Variants in B4GALT5 observed in about 807,000 individuals in gnomAD.
B4GALT5 encodes UDP-Gal:beta-GlcNAc beta-1,4-galactosyltransferase 5.
A neutral mutation model predicts 45.0 loss-of-function variants in B4GALT5; 11 were observed. The observed-to-expected ratio is 0.24, with a 90% CI of 0.15 to 0.40. The LOEUF is 0.40. Among genes scored for constraint, B4GALT5 ranks in the 10% least tolerant of loss-of-function variants. The probability of loss-of-function intolerance (pLI) is 1.00; values close to 1 mark genes in which losing one functional copy is unlikely to be tolerated. For synonymous variants in B4GALT5, 185 were observed against 182.9 expected (o/e 1.01, Z -0.09); for missense variants, 337 against 500.2 (o/e 0.67, Z 3.11).
At position 49,705,297 on chromosome 20, in the gene B4GALT5, C is replaced by T. The variant is rs2085879311; in HGVS notation, c.115+8279G>A. On this transcript the variant is annotated intron_variant, in intron 1 of 8. Coordinates refer to ENST00000371711, the MANE Select transcript of B4GALT5 (RefSeq NM_004776.4). Reference sequence around the variant, plus strand: ...ATCAAAATGTAAAAGGATTAGCCCACAGGACAAAAAAAATGGTCCAAAAAA... The same window carrying T: ...ATCAAAATGTAAAAGGATTAGCCCATAGGACAAAAAAAATGGTCCAAAAAA... Among the ~76,000 whole-genome samples, 6 of 152,120 alleles carry T rather than the reference C, an allele frequency of 3.9e-5. No homozygotes were observed. The South Asian group carries it at 1.2e-3, about 32-fold the overall frequency.
intron 1 of B4GALT5, among the ~76,000 whole-genome samples, chr20:49,690,208 G>C (rs2085804394): frequency 6.6e-6 from 1 of 152,114 alleles, no homozygotes; most frequent in Non-Finnish European, 1.5e-5. Context: ...GTTTCGCCAT[G>C]TTGGTCAGGC....
At chr20:49,699,238 T>C (rs555636175) in intron 1 of B4GALT5, among the ~76,000 whole-genome samples, 2 of 152,244 alleles carry the variant, frequency 1.3e-5, no homozygotes, top group South Asian at 4.1e-4. Context: ...ATTTCAGGTT[T>C]CAGTGCAAGA....
rs1441895712 is a variant in B4GALT5, at chr20:49,708,277, T to C, written c.115+5299A>G. On this transcript the variant is annotated intron_variant, in intron 1 of 8. Transcript: ENST00000371711. Reference sequence around the variant, plus strand: ...ATAGTAAGATAAAAATAAATTAAAATCTTAGGACCAATGTTTATGTAGAAT... The same window carrying C: ...ATAGTAAGATAAAAATAAATTAAAACCTTAGGACCAATGTTTATGTAGAAT... Among the ~76,000 whole-genome samples, 6 of 152,158 alleles carry C rather than the reference T, an allele frequency of 3.9e-5. No individual in the cohort carries two copies. The East Asian group carries it at 9.7e-4, about 25-fold the overall frequency.
At chr20:49,663,684 A>AAAG (rs1568722537) in intron 1 of B4GALT5, among the ~76,000 whole-genome samples, 2 of 75,194 alleles carry the variant, frequency 2.7e-5, no homozygotes, top group African/African-American at 5.7e-5. Context: ...AGAAAAAAAA[A>AAAG]AAAAAAATAT....
Position 49,634,436 on chromosome 20 carries a change from T to C in B4GALT5, c.*1876A>G, listed in dbSNP as rs1163688109. 1 of 152,286 alleles carries C rather than the reference T, an allele frequency of 6.6e-6. No homozygotes were observed. The highest frequency in any genetic ancestry group is 1.9e-4 in the East Asian group (1 of 5,196). 9.4% of individuals were successfully genotyped at this position (152,286 alleles called of 1,614,324 possible). ...TCCTCATCACAATATATAAATATGT[T>C]TTATGGAAAACAAGGGCGGGGGAGG... is the stretch of plus-strand genomic sequence containing the variant. On this transcript the variant is annotated 3_prime_UTR_variant, in exon 9 of 9. Coordinates refer to ENST00000371711, the MANE Select transcript of B4GALT5 (RefSeq NM_004776.4).
At chr20:49,649,773 G>T (rs1163229675) in intron 2 of B4GALT5, among the ~76,000 whole-genome samples, 5 of 152,070 alleles carry the variant, frequency 3.3e-5, no homozygotes, top group Admixed American at 3.3e-4. Context: ...TCTAATAGAT[G>T]AAATTATTCT....
Position 49,636,131 on chromosome 20 carries a change from G to A in B4GALT5, c.*181C>T, listed in dbSNP as rs1043565606. 8.2e-6 allele frequency: 6 copies of A among 735,666 alleles called. No individual in the cohort carries two copies. In the Admixed American group the frequency reaches 8.8e-5, roughly 11 times the overall value. 45.6% of individuals were successfully genotyped at this position (735,666 alleles called of 1,614,324 possible). A position where few individuals can be genotyped will look rare whatever the true frequency, so the allele number is the denominator to read the frequency against. On this transcript the variant is annotated 3_prime_UTR_variant, in exon 9 of 9. Transcript: ENST00000371711. ...CCAAGCTCACTCCCTCAGTTCCAGCGGCTGATCCAGTGAAGGCGTTTGTGC... is the reference window on the plus strand; with the variant it reads ...CCAAGCTCACTCCCTCAGTTCCAGCAGCTGATCCAGTGAAGGCGTTTGTGC...
chr20:49,710,416 T>G (rs1031454800), intron 1 of B4GALT5, among the ~76,000 whole-genome samples: 6 of 150,562 alleles, frequency 4.0e-5, no homozygotes, highest in Admixed American at 1.3e-4. Context: ...TTTTTTTTTT[T>G]TTTGTGTGTG....
At chr20:49,689,692 G>T (rs958380852) in intron 1 of B4GALT5, among the ~76,000 whole-genome samples, 1 of 152,018 alleles carries the variant, frequency 6.6e-6, no homozygotes, top group Admixed American at 6.6e-5. Flanking sequence ...TAATTAATTA[G>T]ATTTTTTTTC....
At position 49,685,237 on chromosome 20, in the gene B4GALT5, CAT is replaced by C. The variant is rs1319276674; in HGVS notation, c.115+28337_115+28338del. Reference sequence around the variant, plus strand: ...AAGGCAGACATGACTAAGAGGCTAACATGTGTATCACAGACCTAGGAACACTT... The same window carrying C: ...AAGGCAGACATGACTAAGAGGCTAACGTGTATCACAGACCTAGGAACACTT... On this transcript the variant is annotated intron_variant, in intron 1 of 8. Coordinates refer to ENST00000371711, the MANE Select transcript of B4GALT5 (RefSeq NM_004776.4). Among the ~76,000 whole-genome samples, 4 of 152,184 alleles carry C rather than the reference CAT, an allele frequency of 2.6e-5. 1 individual carries two copies. Among genetic ancestry groups the C allele is most frequent in the South Asian group, 4.1e-4 (2 of 4,834 alleles).
At chr20:49,682,340 C>T (rs1042940190) in intron 1 of B4GALT5, among the ~76,000 whole-genome samples, 9 of 152,246 alleles carry the variant, frequency 5.9e-5, no homozygotes, top group African/African-American at 2.2e-4. Flanking sequence ...GAGTCGAAAA[C>T]GTTTACATCT....
At chr20:49,660,456 T>A (rs1568721526) in intron 1 of B4GALT5, among the ~76,000 whole-genome samples, 4 of 152,224 alleles carry the variant, frequency 2.6e-5, no homozygotes, top group Admixed American at 2.6e-4. Context: ...TTTTGGATAT[T>A]TCTATGAATA....
chr20:49,709,094 A>C (rs1453654242), intron 1 of B4GALT5, among the ~76,000 whole-genome samples: 1 of 152,212 alleles, frequency 6.6e-6, no homozygotes, highest in East Asian at 1.9e-4. Context: ...ATTTTAAATC[A>C]GCACCTCATA....
chr20:49,673,805 C>T (rs555990718), intron 1 of B4GALT5, among the ~76,000 whole-genome samples: 14 of 152,156 alleles, frequency 9.2e-5, no homozygotes, highest in African/African-American at 3.1e-4. Context: ...AACAATTTAA[C>T]GTGGCTCAGT....
chr20:49,656,564 A>G lies in B4GALT5; in HGVS notation c.250+4T>C, dbSNP rs1243000312. ...ATCAGACCACCTCTTTACTAAAAAT[A>G]TACCTGAGTCATTTACACTGCTGTT... On this transcript the variant is annotated splice_donor_region_variant and intron_variant, in intron 2 of 8. Coordinates refer to ENST00000371711, the MANE Select transcript of B4GALT5 (RefSeq NM_004776.4). 2.5e-6 allele frequency: 4 copies of G among 1,614,118 alleles called. No homozygotes were observed. The Admixed American group carries it at 6.7e-5, about 27-fold the overall frequency.
At chr20:49,688,949 A>C (rs896017917) in intron 1 of B4GALT5, among the ~76,000 whole-genome samples, 6 of 152,086 alleles carry the variant, frequency 3.9e-5, no homozygotes, top group Non-Finnish European at 5.9e-5. Context: ...AAAAAAAAAA[A>C]AAAAAACAGG....
intron 5 of B4GALT5, among the ~76,000 whole-genome samples, chr20:49,641,869 C>T (rs568168747): frequency 4.0e-5 from 6 of 151,774 alleles, no homozygotes; most frequent in South Asian, 2.1e-4. Context: ...AAAGTAGGCC[C>T]GGCAAGAGAA....
chr20:49,697,267 T>C (rs1368295308), intron 1 of B4GALT5, among the ~76,000 whole-genome samples: 1 of 152,228 alleles, frequency 6.6e-6, no homozygotes, highest in Non-Finnish European at 1.5e-5. Flanking sequence ...GCACCTGACT[T>C]CAGCAGCCAC....
intron 1 of B4GALT5, among the ~76,000 whole-genome samples, chr20:49,710,197 A>G (rs2085901946): frequency 6.6e-6 from 1 of 152,238 alleles, no homozygotes; most frequent in Non-Finnish European, 1.5e-5. Context: ...CAGGGTATAC[A>G]AAGCAAATCA....
Sources: allele counts gnomAD v4.1 joint callset (sites outside exome capture counted in the v4.1 genomes callset), GRCh38; gene constraint gnomAD v4.1.1; transcripts MANE v1.5; gene names NCBI Gene and HGNC (gene_info 2026-07-23, HGNC 2026-07-21).